The following PCDH10 variants were observed in gnomAD, a reference collection of about 807,000 sequenced individuals.
The protein encoded by PCDH10 is protocadherin 10, also known as protocadherin-10.
Under a neutral mutation model 74.4 loss-of-function variants are expected in PCDH10, and 15 were observed. The ratio of observed to expected loss-of-function variants is 0.20; its 90% CI spans 0.13 to 0.31. The LOEUF is 0.31. Ranked by LOEUF, PCDH10 falls within the 10% of genes least tolerant of loss-of-function variation. PCDH10 has a pLI of 1.00. For synonymous variants in PCDH10, 619 were observed against 589.8 expected, an observed-to-expected ratio of 1.05 and a Z score of -0.72; for missense variants, 1,260 against 1,390.2, an observed-to-expected ratio of 0.91 and a Z score of 1.49.
chr4:133,180,320 T>C (rs1560713020), intron 4 of PCDH10, among the ~76,000 whole-genome samples: 1 of 152,104 alleles, frequency 6.6e-6, no homozygotes, highest in South Asian at 2.1e-4. Flanking sequence ...AGGTTGTTGA[T>C]AGTACTGTAT....
At position 133,190,307 on chromosome 4, in the gene PCDH10, T is replaced by A; in HGVS notation, c.*147T>A. 1.4e-6 allele frequency: 1 copy of A among 715,828 alleles called. No homozygotes were observed. Among genetic ancestry groups the A allele is most frequent in the Non-Finnish European group, 2.5e-6 (1 of 393,996 alleles). 44.3% of individuals were successfully genotyped at this position (715,828 alleles called of 1,614,324 possible). A position where few individuals can be genotyped will look rare whatever the true frequency, so the allele number is the denominator to read the frequency against. Reference sequence around the variant, plus strand: ...TTCGGATGGAGTCATCATGGCCAATTATAGGACCTAATTGCTCTCAGCAGG... The same window carrying A: ...TTCGGATGGAGTCATCATGGCCAATAATAGGACCTAATTGCTCTCAGCAGG... On this transcript the variant is annotated 3_prime_UTR_variant, in exon 5 of 5. Transcript: ENST00000264360.
At chr4:133,180,322 G>C (rs900753511) in intron 4 of PCDH10, among the ~76,000 whole-genome samples, 2 of 152,074 alleles carry the variant, frequency 1.3e-5, no homozygotes, top group African/African-American at 4.8e-5. Context: ...GTTGTTGATA[G>C]TACTGTATAC....
At chr4:133,181,336 A>C (rs921699309) in intron 4 of PCDH10, among the ~76,000 whole-genome samples, 2 of 151,906 alleles carry the variant, frequency 1.3e-5, no homozygotes, top group African/African-American at 4.8e-5. Flanking sequence ...AATTATTTTG[A>C]TGGAAATATA....
In PCDH10 at chr4:133,150,246, A is replaced by G. The variant is rs938083742; in HGVS notation, c.106A>G (p.Asn36Asp). The stretch of plus-strand genomic sequence containing the variant: ...GCAGGAACATGGCACTTTCGTGGGG[A>G]ATATCGCTGAAGATCTGGGTCTGGA... ...EEQEHGTFVG[N>D]IAEDLGLDIT... is the part of the protein sequence containing the mutation. The change falls in exon 1 of 5, where the codon AAT (asparagine) becomes GAT (aspartate). Residue 36 changes from asparagine (N) to aspartate (D), a missense_variant. By Grantham distance (23) the Asn-to-Asp change is conservative (BLOSUM62 1). This residue lies in a region of PCDH10 where 103 missense variants were observed against 91.5 expected (regional missense o/e 1.13). Transcript: ENST00000264360. 3 of 1,613,848 alleles carry G rather than the reference A, an allele frequency of 1.9e-6. No homozygotes were observed. Among genetic ancestry groups the G allele is most frequent in the Non-Finnish European group, 2.5e-6 (3 of 1,179,972 alleles).
chr4:133,157,518 TA>T (rs1726891524), intron 3 of PCDH10, among the ~76,000 whole-genome samples: 1 of 152,066 alleles, frequency 6.6e-6, no homozygotes, highest in South Asian at 2.1e-4. Flanking sequence ...AAGTTCAGGA[TA>T]GGAAAAAAAC....
At chr4:133,196,498 G>A (rs963171211), downstream of PCDH10, among the ~76,000 whole-genome samples, 2 of 152,112 alleles carry the variant, frequency 1.3e-5, no homozygotes, top group African/African-American at 4.8e-5. Flanking sequence ...AGTGATCTTA[G>A]GTATTACAAT....
intron 4 of PCDH10, among the ~76,000 whole-genome samples, chr4:133,180,776 C>A (rs895581988): frequency 6.6e-6 from 1 of 151,778 alleles, no homozygotes; most frequent in African/African-American, 2.4e-5. Flanking sequence ...AAGATGATCT[C>A]TAATTCAAAA....
chr4:133,180,246 G>T (rs1727387016), intron 4 of PCDH10, among the ~76,000 whole-genome samples: 1 of 151,830 alleles, frequency 6.6e-6, no homozygotes, highest in Admixed American at 6.6e-5. Flanking sequence ...GTAAATATAA[G>T]GTAATCTTAA....
intron 3 of PCDH10, among the ~76,000 whole-genome samples, chr4:133,159,816 A>C (rs2125861910): frequency 6.6e-6 from 1 of 152,124 alleles, no homozygotes; most frequent in Non-Finnish European, 1.5e-5. Flanking sequence ...TGAGCTATTA[A>C]AAAATTGTAA....
chr4:133,193,726 C>A lies in PCDH10; in HGVS notation c.*3566C>A, dbSNP rs928880689. On this transcript the variant is annotated 3_prime_UTR_variant, in exon 5 of 5. Transcript: ENST00000264360. ...CATGTTTCTATGTGTGCTATTGATA[C>A]CCAAGGAACTCAAAAATACTTAAAA... 2 of 151,526 alleles carry A rather than the reference C, an allele frequency of 1.3e-5. No individual in the cohort carries two copies. The highest frequency in any genetic ancestry group is 4.8e-5 in the African/African-American group (2 of 41,362). 9.4% of individuals were successfully genotyped at this position (151,526 alleles called of 1,614,324 possible).
At position 133,190,746 on chromosome 4, in the gene PCDH10, A is replaced by C. The variant is rs1727645895; in HGVS notation, c.*586A>C. ...CTGTACTATTTCAAAGCTTCTAAAT[A>C]AATATAAAATATATATATTATATTA... On this transcript the variant is annotated 3_prime_UTR_variant, in exon 5 of 5. Transcript: ENST00000264360. The C allele has an allele frequency of 6.7e-6, 1 of 150,102 alleles. No individual in the cohort carries two copies. Among genetic ancestry groups the C allele is most frequent in the Admixed American group, 6.7e-5 (1 of 14,924 alleles). 9.3% of individuals were successfully genotyped at this position (150,102 alleles called of 1,614,324 possible).
At chr4:133,156,790 A>G (rs1048337557) in intron 3 of PCDH10, among the ~76,000 whole-genome samples, 2 of 152,200 alleles carry the variant, frequency 1.3e-5, no homozygotes, top group African/African-American at 2.4e-5. Context: ...ATAATGACCC[A>G]TAATAACCTA....
chr4:133,205,723 A>T (rs1727986814), intron 2 of PCDH10, among the ~76,000 whole-genome samples: 2 of 151,726 alleles, frequency 1.3e-5, no homozygotes. Flanking sequence ...TTTCTAGGGT[A>T]TTTTCTTATG....
At chr4:133,158,555 T>C (rs1363825363) in intron 3 of PCDH10, among the ~76,000 whole-genome samples, 1 of 152,170 alleles carries the variant, frequency 6.6e-6, no homozygotes, top group Non-Finnish European at 1.5e-5. Flanking sequence ...ATATAATGCA[T>C]GGTCAAAATT....
downstream of PCDH10, among the ~76,000 whole-genome samples, chr4:133,196,701 A>G (rs1727801849): frequency 1.3e-5 from 2 of 152,176 alleles, no homozygotes; most frequent in African/African-American, 4.8e-5. Context: ...TTAAACTATA[A>G]ACCAAGTTCC....
chr4:133,151,311 G>A lies in PCDH10; in HGVS notation c.1171G>A (p.Gly391Arg), dbSNP rs1726683208. The A allele has an allele frequency of 6.2e-7, 1 of 1,614,170 alleles. No homozygotes were observed. Among genetic ancestry groups the A allele is most frequent in the African/African-American group, 1.3e-5 (1 of 75,052 alleles). The change falls in exon 1 of 5, where the codon GGG becomes AGG. Residue 391 changes from glycine (G) to arginine (R), a missense_variant. By Grantham distance (125) the Gly-to-Arg change is moderately radical. Transcript: ENST00000264360. ...SVTDRDSEEN[G>R]QVQCELLGDV... ...GACTGACCGCGACTCAGAGGAGAAT[G>A]GGCAGGTGCAGTGCGAGCTACTGGG...
At chr4:133,204,059 A>T (rs1727956120) in intron 2 of PCDH10, among the ~76,000 whole-genome samples, 1 of 152,160 alleles carries the variant, frequency 6.6e-6, no homozygotes, top group Non-Finnish European at 1.5e-5. Context: ...ACTCTCTCTC[A>T]TTATTTTTCC....
Position 133,191,817 on chromosome 4 carries a change from A to G in PCDH10, c.*1657A>G, listed in dbSNP as rs1560716407. 1.3e-5 allele frequency: 2 copies of G among 151,656 alleles called. No homozygotes were observed. Among genetic ancestry groups the G allele is most frequent in the African/African-American group, 2.4e-5 (1 of 41,384 alleles). The allele number at this position is 151,656 out of a possible 1,614,324, so 9.4% of individuals were successfully genotyped here. On this transcript the variant is annotated 3_prime_UTR_variant, in exon 5 of 5. Transcript: ENST00000264360. ...TTTGAAATACTTTCCTTAATTTTTAACTGATCTTATATTCAATGACAGTTT... is the reference window on the plus strand; with the variant it reads ...TTTGAAATACTTTCCTTAATTTTTAGCTGATCTTATATTCAATGACAGTTT...
chr4:133,198,894 C>T (rs887305760), downstream of PCDH10, among the ~76,000 whole-genome samples: 2 of 150,890 alleles, frequency 1.3e-5, no homozygotes, highest in African/African-American at 2.5e-5. Flanking sequence ...TTTTTTAACA[C>T]TCTATAGAAG....
Sources: gnomAD v4.1 joint callset for allele counts (sites outside exome capture counted in the v4.1 genomes callset) on GRCh38, gnomAD v4.1.1 for gene constraint, gnomAD v4.1.1 regional missense constraint, MANE v1.5 for transcripts, NCBI Gene and HGNC (gene_info 2026-07-23, HGNC 2026-07-21) for gene names.